MROH2A: variants seen among roughly 807,000 people sequenced by gnomAD.
MROH2A encodes the protein maestro heat-like repeat-containing protein family member 2A.
In MROH2A, 174 loss-of-function variants were observed where a neutral mutation model predicts 200.4. The observed-to-expected ratio is 0.87, with a 90% CI of 0.77 to 0.98. The LOEUF (loss-of-function observed/expected upper bound fraction) is 0.98, where lower values mean the gene tolerates loss of function less well. MROH2A is among the 50% of genes least tolerant of loss of function. MROH2A has a pLI of 0.00. For missense variants in MROH2A, 2,045 were observed against 2,139.6 expected (o/e 0.96, Z 0.87); for synonymous variants, 829 against 840.4 (o/e 0.99, Z 0.23).
chr2:233,829,557 T>C (rs1639209610), intron 37 of MROH2A, 63 bp from the exon 38 acceptor site: 1 of 1,343,964 alleles, frequency 7.4e-7, no homozygotes, highest in Non-Finnish European at 9.6e-7. Context: ...CCTTGGAGAA[T>C]GGCTGGGGTT....
intron 3 of MROH2A, among the ~76,000 whole-genome samples, chr2:233,788,703 C>T (rs1404577607): frequency 2.0e-5 from 3 of 151,438 alleles, no homozygotes; most frequent in Admixed American, 6.6e-5. Context: ...TTTGGGAGGC[C>T]GAGGCCGGCA....
chr2:233,794,428 G>A lies in MROH2A; in HGVS notation c.888G>A (p.Leu296=), dbSNP rs943234074. ...GCCTCCTTCTGCCCAACGATGACCT[G>A]CGGGAGCAGGTCTACGACTACATCC... The part of the protein sequence containing the change: ...MLGLLLPNDD[L]REQVYDYIPL... The change falls in exon 8 of 42, where the codon CTG becomes CTA. Residue 296 remains leucine, a synonymous_variant. Transcript: ENST00000389758. 7 of 1,550,424 alleles carry A rather than the reference G, an allele frequency of 4.5e-6. No individual in the cohort carries two copies. In the African/African-American group the frequency reaches 9.6e-5, roughly 21 times the overall value.
intron 3 of MROH2A, among the ~76,000 whole-genome samples, chr2:233,787,742 TTA>T (rs1491363411): frequency 9.2e-5 from 4 of 43,692 alleles, no homozygotes; most frequent in Non-Finnish European, 1.4e-4. Context: ...TACATATATA[TTA>T]TATATATTAT....
intron 32 of MROH2A, 37 bp downstream of exon 32, chr2:233,822,320 G>T (rs1011881559): frequency 6.5e-7 from 1 of 1,548,406 alleles, no homozygotes; most frequent in Middle Eastern, 1.7e-4. Flanking sequence ...CTCCTCAGGG[G>T]TCTCTGGGTA....
In MROH2A at chr2:233,831,516, C is replaced by A. The variant is rs1166302662; in HGVS notation, c.4710C>A (p.Phe1570Leu). ...DTATDDKMTV[F>L]QTTMCSILTR... ...CTACTGATGACAAGATGACCGTTTT[C>A]CAGACAACCATGTGCTCCATCCTGG... The change falls in exon 39 of 42, where the codon TTC (phenylalanine) becomes TTA (leucine). Residue 1570 changes from phenylalanine (F) to leucine (L), a missense_variant. Phe to Leu is a conservative substitution (Grantham distance 22). Coordinates refer to ENST00000389758, the MANE Select transcript of MROH2A (RefSeq NM_001394639.1). 1 of 1,550,202 alleles carries A rather than the reference C, an allele frequency of 6.5e-7. No individual in the cohort carries two copies. Among genetic ancestry groups the A allele is most frequent in the Admixed American group, 2.0e-5 (1 of 50,940 alleles).
At chr2:233,808,872 C>T (rs2126141894) in intron 21 of MROH2A, among the ~76,000 whole-genome samples, 1 of 152,336 alleles carries the variant, frequency 6.6e-6, no homozygotes, top group South Asian at 2.1e-4. Context: ...GTCTGGGCGT[C>T]TATAGCCCTA....
Position 233,833,048 on chromosome 2 carries a change from G to C in MROH2A, c.4904-90G>C, listed in dbSNP as rs547358663. 19 of 1,429,448 alleles carry C rather than the reference G, an allele frequency of 1.3e-5. No homozygotes were observed. The Admixed American group carries it at 4.2e-4, about 31-fold the overall frequency. 88.5% of individuals were successfully genotyped at this position (1,429,448 alleles called of 1,614,324 possible). A position where few individuals can be genotyped will look rare whatever the true frequency, so the allele number is the denominator to read the frequency against. ...CCGTCTGCCCCTGCCCACCTTCTGC[G>C]GCCCTTGCCTGCCATCACTGCCCAG... On this transcript the variant is annotated intron_variant, in intron 41 of 41. Coordinates refer to ENST00000389758, the MANE Select transcript of MROH2A (RefSeq NM_001394639.1).
chr2:233,814,442 G>A (rs1007236656), intron 25 of MROH2A, 140 bp from the exon 26 acceptor site: 9 of 599,550 alleles, frequency 1.5e-5, no homozygotes, highest in Non-Finnish European at 2.4e-5. Context: ...CTTCACTTGA[G>A]AAAATAAGTG....
At chr2:233,784,307 C>A in intron 3 of MROH2A, among the ~76,000 whole-genome samples, 1 of 152,092 alleles carries the variant, frequency 6.6e-6, no homozygotes. Context: ...CAGTGGTCAT[C>A]CAGCAATATA....
intron 21 of MROH2A, among the ~76,000 whole-genome samples, chr2:233,808,847 C>T (rs557158324): frequency 7.4e-4 from 113 of 152,294 alleles, no homozygotes; most frequent in African/African-American, 2.6e-3. Context: ...CACCTCCCCC[C>T]ACAGGTGATG....
At chr2:233,810,767 T>C in intron 22 of MROH2A, 27 bp from the exon 23 acceptor site, 1 of 1,548,500 alleles carries the variant, frequency 6.5e-7, no homozygotes, top group South Asian at 1.2e-5. Context: ...AAACATTCTC[T>C]CCCTCCTTTT....
chr2:233,819,604 G>T, intron 30 of MROH2A, 135 bp downstream of exon 30: 1 of 985,170 alleles, frequency 1.0e-6, no homozygotes, highest in African/African-American at 1.6e-5. Context: ...TAAAGAGGAG[G>T]AGGAAACAGA....
At chr2:233,794,029 G>C (rs1402241958) in intron 7 of MROH2A, among the ~76,000 whole-genome samples, 1 of 152,204 alleles carries the variant, frequency 6.6e-6, no homozygotes, top group Non-Finnish European at 1.5e-5. Context: ...GGCCAGGCTT[G>C]ATGAAGGTTG....
intron 3 of MROH2A, among the ~76,000 whole-genome samples, chr2:233,788,761 C>A (rs1050376157): frequency 6.6e-6 from 1 of 151,622 alleles, no homozygotes; most frequent in African/African-American, 2.4e-5. Context: ...CACGGTGAAA[C>A]CCCGTCTCTA....
chr2:233,794,325 G>T lies in MROH2A; in HGVS notation c.823-38G>T, dbSNP rs769898205. 10 of 1,468,724 alleles carry T rather than the reference G, an allele frequency of 6.8e-6. 1 individual carries two copies. In the South Asian group the frequency reaches 1.2e-4, roughly 18 times the overall value. The allele number at this position is 1,468,724 out of a possible 1,614,324, so 91.0% of individuals were successfully genotyped here. On this transcript the variant is annotated intron_variant, in intron 7 of 41. Transcript: ENST00000389758. Reference sequence around the variant, plus strand: ...AGGTCACTGGCCTTGCTGGAGGGTGGTGAGACAATGCGTCCCAGAGCTGGT... The same window carrying T: ...AGGTCACTGGCCTTGCTGGAGGGTGTTGAGACAATGCGTCCCAGAGCTGGT...
At chr2:233,785,252 C>T (rs1575896085) in intron 3 of MROH2A, among the ~76,000 whole-genome samples, 1 of 152,130 alleles carries the variant, frequency 6.6e-6, no homozygotes, top group East Asian at 1.9e-4. Flanking sequence ...TATGGTGGCT[C>T]ATGCCAGGAG....
At chr2:233,823,476 T>A in intron 34 of MROH2A, 80 bp from the exon 35 acceptor site, 1 of 1,484,722 alleles carries the variant, frequency 6.7e-7, no homozygotes, top group Non-Finnish European at 9.0e-7. Context: ...CAGGCACCGA[T>A]GTGGCCCTGC....
At position 233,789,870 on chromosome 2, in the gene MROH2A, G is replaced by A. The variant is rs765958001; in HGVS notation, c.427G>A (p.Ala143Thr). The change falls in exon 5 of 42, where the codon GCA becomes ACA. Residue 143 changes from alanine to threonine, a missense_variant. By Grantham distance (58) the Ala-to-Thr change is moderately conservative (BLOSUM62 0). Around this residue, in one of 3 missense-constraint regions of MROH2A, gnomAD observed 831 missense variants for 800.0 expected, o/e 1.04. Transcript: ENST00000389758. Reference protein sequence around the residue: ...EIPEMEGYMKAEVASDTLVAL... With the variant: ...EIPEMEGYMKTEVASDTLVAL... The stretch of plus-strand genomic sequence containing the variant: ...CCTGCAGATGGAGGGCTATATGAAG[G>A]CAGAGGTGGCCAGCGACACACTGGT... 5.8e-6 allele frequency: 9 copies of A among 1,550,140 alleles called. No individual in the cohort carries two copies. The South Asian group carries it at 9.5e-5, about 16-fold the overall frequency.
intron 35 of MROH2A, among the ~76,000 whole-genome samples, chr2:233,824,502 G>C (rs1013884236): frequency 6.6e-6 from 1 of 152,208 alleles, no homozygotes; most frequent in African/African-American, 2.4e-5. Context: ...GTCTCACCCA[G>C]GACCTGTCCT....
Sources: allele counts gnomAD v4.1 joint callset (sites outside exome capture counted in the v4.1 genomes callset), GRCh38; gene constraint gnomAD v4.1.1; regional missense constraint gnomAD v4.1.1; transcripts MANE v1.5; gene names NCBI Gene and HGNC (gene_info 2026-07-23, HGNC 2026-07-21).